Variants in XCR1 observed in about 807,000 individuals in gnomAD.
XCR1 encodes the protein X-C motif chemokine receptor 1, also known as chemokine XC receptor 1.
For synonymous variants in XCR1, 187 were observed against 188.5 expected (o/e 0.99, Z 0.06); for missense variants, 356 against 424.2 (o/e 0.84, Z 1.41).
chr3:46,025,117 A>C (rs530122273), intron 1 of XCR1, among the ~76,000 whole-genome samples: 1 of 152,374 alleles, frequency 6.6e-6, no homozygotes, highest in African/African-American at 2.4e-5. Context: ...TAAATCAGTG[A>C]CATAAGCTAG....
rs148942095 is a variant in XCR1 at position 46,021,138 on chromosome 3, G to A, written c.810C>T (p.Leu270=). The A allele has an allele frequency of 2.6e-4, 426 of 1,614,150 alleles. 2 individuals carry two copies. The highest frequency in any genetic ancestry group is 4.9e-4 in the Middle Eastern group (3 of 6,084). ...GGGAGAAGGCGAGGTTGCGGCAGAT[G>A]AGCAGGGCGTATTCTAGCTGCTGTT... The part of the protein sequence containing the change: ...EAKQQLEYAL[L]ICRNLAFSHC... The change falls in exon 2 of 2, where the codon CTC becomes CTT. Residue 270 remains leucine, a synonymous_variant. Coordinates refer to ENST00000309285, the MANE Select transcript of XCR1 (RefSeq NM_001024644.2). The surrounding 1 kb of genome is among the most constrained non-coding windows in gnomAD (Gnocchi z 4.7).
chr3:46,066,123 G>A (rs1698064949), intron 4 of XCR1, among the ~76,000 whole-genome samples: 1 of 152,166 alleles, frequency 6.6e-6, no homozygotes, highest in Non-Finnish European at 1.5e-5. Flanking sequence ...AGCAAGACAG[G>A]CTCACTAGGA....
intron 5 of XCR1, among the ~76,000 whole-genome samples, chr3:46,038,558 C>T (rs894840663): frequency 1.3e-5 from 2 of 152,056 alleles, no homozygotes; most frequent in African/African-American, 2.4e-5. Context: ...GCATTTCTAA[C>T]GAGTCATCAT....
chr3:46,039,348 A>G (rs1174526621), intron 5 of XCR1, among the ~76,000 whole-genome samples: 1 of 152,158 alleles, frequency 6.6e-6, no homozygotes, highest in East Asian at 1.9e-4. Context: ...TTGGCATAGG[A>G]CCTATCACAT....
At position 46,021,659 on chromosome 3, in the gene XCR1, G is replaced by T; in HGVS notation, c.289C>A (p.Leu97Met). 1 of 1,609,624 alleles carries T rather than the reference G, an allele frequency of 6.2e-7. No homozygotes were observed. Among genetic ancestry groups the T allele is most frequent in the Non-Finnish European group, 8.5e-7 (1 of 1,178,226 alleles). The part of the protein sequence containing the change: ...WISPYHWGWV[L>M]GDFLCKLLNM... ...AGGAGTTTGCAGAGGAAGTCTCCCA[G>T]CACCCAGCCCCAGTGGTATGGGGAG... is the stretch of plus-strand genomic sequence containing the variant. Residue 97 changes from leucine to methionine, a missense_variant, in exon 2 of 2, where the codon CTG becomes ATG. Physicochemically the swap from Leu to Met is conservative, Grantham distance 15. Transcript: ENST00000309285. This position sits in a 1 kb window ranked among gnomAD's most constrained non-coding sequence, Gnocchi z 4.7.
At chr3:46,071,888 C>T (rs79908405) in intron 3 of XCR1, among the ~76,000 whole-genome samples, 7,957 of 152,090 alleles carry the variant, frequency 0.052, 288 homozygotes, top group African/African-American at 0.1. Context: ...GCATTCCCTC[C>T]AAGAACTGGA....
upstream of XCR1, chr3:46,027,515 G>A (rs1708319583): frequency 6.6e-6 from 1 of 152,268 alleles, no homozygotes; most frequent in Admixed American, 6.5e-5. Flanking sequence ...CTGCCCAGAA[G>A]GCTGGAGGAG....
rs368203845 is a variant in XCR1 at position 46,072,792 on chromosome 3, A to G, written c.-263+1859T>C. On this transcript the variant is annotated intron_variant, in intron 3 of 5. Coordinates refer to the XCR1 transcript ENST00000683768. ...AAATTCTAAAATTTGTATGCAACCA[A>G]AAAAGAGCCTGAATAGCTAAAGTAT... Among the ~76,000 whole-genome samples, 35 of 152,312 alleles carry G rather than the reference A, an allele frequency of 2.3e-4. No homozygotes were observed. In the East Asian group the frequency reaches 6.2e-3, roughly 27 times the overall value.
chr3:46,043,828 A>C (rs1373307374), intron 5 of XCR1, among the ~76,000 whole-genome samples: 2 of 152,050 alleles, frequency 1.3e-5, no homozygotes, highest in Admixed American at 6.6e-5. Context: ...AAAATTAGAG[A>C]ATGTTTTTTT....
chr3:46,083,071 T>A (rs1698405303), intron 1 of XCR1, among the ~76,000 whole-genome samples: 1 of 152,210 alleles, frequency 6.6e-6, no homozygotes, highest in South Asian at 2.1e-4. Context: ...TTGTCCTATG[T>A]TTCAATGTAA....
intron 5 of XCR1, among the ~76,000 whole-genome samples, chr3:46,033,111 G>A (rs553051852): frequency 2.3e-4 from 35 of 150,510 alleles, no homozygotes; most frequent in African/African-American, 7.8e-4. Context: ...TTTTTGTAGC[G>A]CAAAAGTTTT....
chr3:46,050,327 C>A (rs1697716482), intron 5 of XCR1, among the ~76,000 whole-genome samples: 1 of 152,106 alleles, frequency 6.6e-6, no homozygotes, highest in Admixed American at 6.5e-5. Context: ...CGGTCGTAGC[C>A]AGTTAATATC....
At chr3:46,066,120 C>G (rs145672605) in intron 4 of XCR1, among the ~76,000 whole-genome samples, 235 of 152,318 alleles carry the variant, frequency 1.5e-3, no homozygotes, top group Admixed American at 2.7e-3. Flanking sequence ...TGCAGCAAGA[C>G]AGGCTCACTA....
At chr3:46,039,529 G>T (rs1247412712) in intron 5 of XCR1, among the ~76,000 whole-genome samples, 5 of 152,156 alleles carry the variant, frequency 3.3e-5, no homozygotes, top group African/African-American at 9.7e-5. Context: ...AGGACTTTCT[G>T]TAGTATAAAT....
intron 1 of XCR1, among the ~76,000 whole-genome samples, chr3:46,023,120 G>C (rs578089472): frequency 2.0e-5 from 3 of 152,292 alleles, no homozygotes; most frequent in East Asian, 3.9e-4. Context: ...TCATGGCGCC[G>C]TGCGGGGTCG....
In XCR1 at chr3:46,026,772, C is replaced by T. The variant is rs138784447; in HGVS notation, c.-32+645G>A. ...TATTTTTTTGTATTTTTAGTAGAGA[C>T]GGGGTTTCACCATGTTAGCCAGGAT... On this transcript the variant is annotated intron_variant, in intron 1 of 1. Transcript: ENST00000309285. Among the ~76,000 whole-genome samples the T allele has an allele frequency of 1.6e-3, 250 of 151,932 alleles. 1 individual carries two copies. The highest frequency in any genetic ancestry group is 6.8e-3 in the Middle Eastern group (2 of 292).
At chr3:46,064,593 C>A (rs1219399144) in intron 4 of XCR1, among the ~76,000 whole-genome samples, 1 of 152,234 alleles carries the variant, frequency 6.6e-6, no homozygotes, top group African/African-American at 2.4e-5. Context: ...AGCCTTGCAG[C>A]TTCCACCTGG....
At chr3:46,031,439 C>G (rs1295055965), upstream of XCR1, among the ~76,000 whole-genome samples, 1 of 152,224 alleles carries the variant, frequency 6.6e-6, no homozygotes. Flanking sequence ...TGGGGCAGTG[C>G]TGACATGCTA....
At chr3:46,031,725 C>T (rs556232420), upstream of XCR1, among the ~76,000 whole-genome samples, 12 of 152,358 alleles carry the variant, frequency 7.9e-5, no homozygotes, top group Middle Eastern at 0.01. Flanking sequence ...TGGTGCCTTT[C>T]CTTGTTCTGG....
Sources: allele counts gnomAD v4.1 joint callset (sites outside exome capture counted in the v4.1 genomes callset), GRCh38; gene constraint gnomAD v4.1.1; non-coding constraint Gnocchi (gnomAD v3.1); transcripts MANE v1.5; gene names NCBI Gene and HGNC (gene_info 2026-07-23, HGNC 2026-07-21).